Variants in LIX1 observed in about 807,000 individuals in gnomAD.
LIX1 encodes the protein protein limb expression 1 homolog.
LIX1 carries 24 observed loss-of-function variants against 33.4 expected under a neutral mutation model. That is an observed-to-expected ratio of 0.72 (90% CI 0.52 to 1.01). The LOEUF (loss-of-function observed/expected upper bound fraction) is 1.01, where lower values mean the gene tolerates loss of function less well. Among genes scored for constraint, LIX1 ranks in the 50% least tolerant of loss-of-function variants. The probability of loss-of-function intolerance (pLI) is 0.00; values close to 1 mark genes in which losing one functional copy is unlikely to be tolerated. For missense variants in LIX1, 311 were observed against 339.2 expected (o/e 0.92, Z 0.65); for synonymous variants, 124 against 124.0 (o/e 1.00, Z 0.00).
intron 1 of LIX1, among the ~76,000 whole-genome samples, chr5:97,136,715 T>C (rs1252188766): frequency 2.0e-5 from 3 of 151,720 alleles, no homozygotes; most frequent in Non-Finnish European, 4.4e-5. Context: ...GAGATCAAAA[T>C]AGGGATCAAC....
intron 4 of LIX1, among the ~76,000 whole-genome samples, chr5:97,097,453 G>A (rs1202475345): frequency 2.0e-5 from 3 of 152,200 alleles, no homozygotes; most frequent in Non-Finnish European, 4.4e-5. Flanking sequence ...ATTTGCTTAA[G>A]AAGATCGCTA....
At chr5:97,118,661 A>G (rs909824656) in intron 2 of LIX1, among the ~76,000 whole-genome samples, 2 of 152,214 alleles carry the variant, frequency 1.3e-5, no homozygotes, top group African/African-American at 4.8e-5. Flanking sequence ...AAGATCCAAT[A>G]AGTACTAATG....
intron 1 of LIX1, among the ~76,000 whole-genome samples, chr5:97,134,846 C>T (rs1748139063): frequency 6.6e-6 from 1 of 152,204 alleles, no homozygotes; most frequent in South Asian, 2.1e-4. Context: ...ATGTAGGAAT[C>T]TCGGGGCCCC....
chr5:97,108,578 T>C (rs1747196363), intron 2 of LIX1, among the ~76,000 whole-genome samples: 1 of 152,160 alleles, frequency 6.6e-6, no homozygotes, highest in African/African-American at 2.4e-5. Flanking sequence ...AGCCCATACC[T>C]TTTGGAGAGC....
rs1285618842 is a variant in LIX1, at chr5:97,093,466, T to C, written c.*1282A>G. On this transcript the variant is annotated 3_prime_UTR_variant, in exon 6 of 6. Coordinates refer to ENST00000274382, the MANE Select transcript of LIX1 (RefSeq NM_153234.5). The stretch of plus-strand genomic sequence containing the variant: ...ATTGACATTGCTGACATTCTTAAAT[T>C]TGAGTGACCAGGAACTATCTAAAAA... The C allele has an allele frequency of 6.6e-6, 1 of 152,166 alleles. No individual in the cohort carries two copies. Among genetic ancestry groups the C allele is most frequent in the African/African-American group, 2.4e-5 (1 of 41,402 alleles). The allele number at this position is 152,166 out of a possible 1,614,324, so 9.4% of individuals were successfully genotyped here.
At chr5:97,124,389 T>G (rs1747857770) in intron 2 of LIX1, 77 bp downstream of exon 2, 1 of 1,249,058 alleles carries the variant, frequency 8.0e-7, no homozygotes, top group Non-Finnish European at 1.1e-6. Flanking sequence ...AAATTTGTAA[T>G]GTTACCAGTT....
intron 1 of LIX1, among the ~76,000 whole-genome samples, chr5:97,140,070 T>G (rs1580250897): frequency 6.6e-6 from 1 of 152,318 alleles, no homozygotes; most frequent in East Asian, 1.9e-4. Flanking sequence ...CTATTGCTTG[T>G]TTTTAAGCAA....
intron 1 of LIX1, among the ~76,000 whole-genome samples, chr5:97,139,976 G>T (rs375420286): frequency 6.6e-6 from 1 of 152,192 alleles, no homozygotes; most frequent in Non-Finnish European, 1.5e-5. Flanking sequence ...TTAAATGAAT[G>T]TAACTATTCC....
At chr5:97,096,614 T>G (rs1320583034) in intron 5 of LIX1, among the ~76,000 whole-genome samples, 196 bp downstream of exon 5, 2 of 152,186 alleles carry the variant, frequency 1.3e-5, no homozygotes, top group Non-Finnish European at 2.9e-5. Context: ...CCCACGTTCT[T>G]TTTAGTGTGT....
chr5:97,123,043 C>A (rs1365787441), intron 2 of LIX1, among the ~76,000 whole-genome samples: 1 of 152,292 alleles, frequency 6.6e-6, no homozygotes, highest in South Asian at 2.1e-4. Flanking sequence ...TCACATCTCT[C>A]GGTTTCCATA....
intron 2 of LIX1, among the ~76,000 whole-genome samples, chr5:97,124,135 C>A (rs1006245620): frequency 2.0e-5 from 3 of 152,206 alleles, no homozygotes; most frequent in Admixed American, 1.3e-4. Flanking sequence ...TGTAGACTTA[C>A]ACTACAAAAA....
At chr5:97,114,042 C>G (rs1218077670) in intron 2 of LIX1, among the ~76,000 whole-genome samples, 1 of 152,214 alleles carries the variant, frequency 6.6e-6, no homozygotes, top group Non-Finnish European at 1.5e-5. Flanking sequence ...CCAACTGCGA[C>G]TAGGCCAGAG....
intron 4 of LIX1, among the ~76,000 whole-genome samples, chr5:97,101,319 CT>C (rs1228034940): frequency 6.6e-6 from 1 of 152,182 alleles, no homozygotes; most frequent in Non-Finnish European, 1.5e-5. Flanking sequence ...TAGCCCTTGT[CT>C]GTCCCCTTCT....
At chr5:97,132,899 C>A (rs1748087379) in intron 1 of LIX1, among the ~76,000 whole-genome samples, 1 of 152,172 alleles carries the variant, frequency 6.6e-6, no homozygotes, top group Admixed American at 6.5e-5. Flanking sequence ...GTTCCTTCTG[C>A]AGCCTGGAAG....
At position 97,094,737 on chromosome 5, in the gene LIX1, G is replaced by A; in HGVS notation, c.*11C>T. The A allele has an allele frequency of 6.2e-7, 1 of 1,611,582 alleles. No homozygotes were observed. Among genetic ancestry groups the A allele is most frequent in the Non-Finnish European group, 8.5e-7 (1 of 1,178,284 alleles). ...TCTGCCATCACTGAGGGTACCCGGGGCTTGGCCTTGCTAGTGATAGCCACA... is the reference window on the plus strand; with the variant it reads ...TCTGCCATCACTGAGGGTACCCGGGACTTGGCCTTGCTAGTGATAGCCACA... On this transcript the variant is annotated 3_prime_UTR_variant, in exon 6 of 6. Coordinates refer to ENST00000274382, the MANE Select transcript of LIX1 (RefSeq NM_153234.5).
In LIX1 at chr5:97,117,678, A is replaced by T. The variant is rs143655783; in HGVS notation, c.246+6788T>A. On this transcript the variant is annotated intron_variant, in intron 2 of 5. Transcript: ENST00000274382. ...GCCTTAAGTAACTAAAATAAAACAA[A>T]ATTAAAATACTCCTCACCTTGTTTA... is the stretch of plus-strand genomic sequence containing the variant. Among the ~76,000 whole-genome samples the T allele has an allele frequency of 1.3e-3, 203 of 152,328 alleles. 1 individual carries two copies. Among genetic ancestry groups the T allele is most frequent in the Non-Finnish European group, 1.4e-3 (94 of 68,030 alleles).
At position 97,105,393 on chromosome 5, in the gene LIX1, C is replaced by T. The variant is rs942984941; in HGVS notation, c.388-108G>A. ...ACAGTAAGCCTATTTTTGGTCTAAC[C>T]TGAACAGATGTTCACAACCAAGTCT... On this transcript the variant is annotated intron_variant, in intron 3 of 5. Transcript: ENST00000274382. 8.1e-5 allele frequency: 66 copies of T among 818,714 alleles called. 1 individual carries two copies. Among genetic ancestry groups the T allele is most frequent in the South Asian group, 6.8e-4 (42 of 62,054 alleles). 50.7% of individuals were successfully genotyped at this position (818,714 alleles called of 1,614,324 possible).
chr5:97,125,754 G>C (rs922331367), intron 1 of LIX1, among the ~76,000 whole-genome samples: 2 of 152,202 alleles, frequency 1.3e-5, no homozygotes, highest in African/African-American at 4.8e-5. Flanking sequence ...ACAGCACCAA[G>C]ATTTTCCTTG....
Position 97,094,511 on chromosome 5 carries a change from A to T in LIX1, c.*237T>A. ...ATGTTTTTCAAACAATTTTGTGTCT[A>T]TCCTTTCATCCTGAGCTGGAACTAT... On this transcript the variant is annotated 3_prime_UTR_variant, in exon 6 of 6. Coordinates refer to ENST00000274382, the MANE Select transcript of LIX1 (RefSeq NM_153234.5). 1 of 495,050 alleles carries T rather than the reference A, an allele frequency of 2.0e-6. No individual in the cohort carries two copies. Among genetic ancestry groups the T allele is most frequent in the Non-Finnish European group, 3.6e-6 (1 of 281,008 alleles). The allele number at this position is 495,050 out of a possible 1,614,324, so 30.7% of individuals were successfully genotyped here.
Sources: allele counts gnomAD v4.1 joint callset (sites outside exome capture counted in the v4.1 genomes callset), GRCh38; gene constraint gnomAD v4.1.1; transcripts MANE v1.5; gene names NCBI Gene and HGNC (gene_info 2026-07-23, HGNC 2026-07-21).